The following CNTNAP5 variants were observed in gnomAD, a reference collection of about 807,000 sequenced individuals.
CNTNAP5 encodes contactin associated protein family member 5.
In CNTNAP5, 72 loss-of-function variants were observed where a neutral mutation model predicts 150.2. The observed-to-expected ratio is 0.48, with a 90% CI of 0.40 to 0.58. The LOEUF is 0.58. Ranked by LOEUF, CNTNAP5 falls within the 20% of genes least tolerant of loss-of-function variation. The probability of loss-of-function intolerance (pLI) is 0.00; values close to 1 mark genes in which losing one functional copy is unlikely to be tolerated. For synonymous variants in CNTNAP5, 672 were observed against 619.8 expected, an observed-to-expected ratio of 1.08 and a Z score of -1.25; for missense variants, 1,636 against 1,626.2, an observed-to-expected ratio of 1.01 and a Z score of -0.10.
At chr2:124,419,741 T>C (rs928601729) in intron 4 of CNTNAP5, among the ~76,000 whole-genome samples, 13 of 152,274 alleles carry the variant, frequency 8.5e-5, no homozygotes, top group African/African-American at 2.9e-4. Context: ...CTTCAATCAC[T>C]AGTGCTGATG....
chr2:124,886,255 C>T (rs964437066), intron 21 of CNTNAP5, among the ~76,000 whole-genome samples: 1 of 151,924 alleles, frequency 6.6e-6, no homozygotes, highest in African/African-American at 2.4e-5. Flanking sequence ...GGTAACATCC[C>T]AAGGTTATTC....
At chr2:124,493,766 AC>A (rs1318260868) in intron 7 of CNTNAP5, among the ~76,000 whole-genome samples, 1 of 152,100 alleles carries the variant, frequency 6.6e-6, no homozygotes, top group Non-Finnish European at 1.5e-5. Flanking sequence ...TGTTGATGGT[AC>A]TTTCCCTTCA....
intron 1 of CNTNAP5, among the ~76,000 whole-genome samples, chr2:124,159,312 C>T (rs1684619051): frequency 3.3e-5 from 5 of 152,096 alleles, no homozygotes; most frequent in African/African-American, 1.2e-4. Flanking sequence ...CTGTAAAGGG[C>T]TAGATAGTAA....
chr2:124,802,543 A>G (rs1681991233), intron 19 of CNTNAP5, among the ~76,000 whole-genome samples: 1 of 152,192 alleles, frequency 6.6e-6, no homozygotes, highest in Admixed American at 6.5e-5. Flanking sequence ...TTAGTTCTAT[A>G]ACCTAGGGCT....
At chr2:124,614,780 T>A (rs1290972332) in intron 12 of CNTNAP5, among the ~76,000 whole-genome samples, 1 of 152,176 alleles carries the variant, frequency 6.6e-6, no homozygotes, top group Non-Finnish European at 1.5e-5. Context: ...TTGTGACCAG[T>A]ATCTTGTGCC....
intron 22 of CNTNAP5, among the ~76,000 whole-genome samples, chr2:124,906,713 AT>A (rs1217724112): frequency 5.9e-5 from 9 of 152,108 alleles, no homozygotes; most frequent in Non-Finnish European, 1.0e-4. Context: ...TGAGAAATAA[AT>A]TTTTTAACAA....
chr2:124,169,310 C>G (rs1435568136), intron 1 of CNTNAP5, among the ~76,000 whole-genome samples: 3 of 152,036 alleles, frequency 2.0e-5, no homozygotes, highest in Non-Finnish European at 4.4e-5. Context: ...TGATGATGCT[C>G]TGCGCAGCTA....
chr2:124,560,108 G>T (rs999121019), intron 10 of CNTNAP5, among the ~76,000 whole-genome samples: 1 of 152,222 alleles, frequency 6.6e-6, no homozygotes, highest in African/African-American at 2.4e-5. Flanking sequence ...TCTGTGTGAG[G>T]CATATTAAAT....
At position 124,509,700 on chromosome 2, in the gene CNTNAP5, T is replaced by C. The variant is rs753024276; in HGVS notation, c.1327+5144T>C. On this transcript the variant is annotated intron_variant, in intron 8 of 23. Transcript: ENST00000682447. Reference sequence around the variant, plus strand: ...TGCTGCTCTCCATATTCATTGTGCATACTGTCCATTGCTTAAATAACTCAA... The same window carrying C: ...TGCTGCTCTCCATATTCATTGTGCACACTGTCCATTGCTTAAATAACTCAA... 8.0e-4 allele frequency among the ~76,000 whole-genome samples: 122 copies of C among 152,218 alleles called. 3 individuals carry two copies. Among genetic ancestry groups the C allele is most frequent in the Non-Finnish European group, 4.0e-4 (27 of 68,036 alleles).
At chr2:124,056,008 C>T (rs1178728034) in intron 1 of CNTNAP5, among the ~76,000 whole-genome samples, 1 of 152,204 alleles carries the variant, frequency 6.6e-6, no homozygotes, top group Non-Finnish European at 1.5e-5. Flanking sequence ...TCATCTCCCT[C>T]TCTGCTGGCT....
At chr2:124,473,383 TTTAAAA>T (rs1693563955) in intron 6 of CNTNAP5, among the ~76,000 whole-genome samples, 6 of 152,116 alleles carry the variant, frequency 3.9e-5, no homozygotes, top group Admixed American at 1.3e-4. Flanking sequence ...GTAATTAAAC[TTTAAAA>T]TGAAATAGAT....
At chr2:124,245,715 A>G (rs1255001452) in intron 3 of CNTNAP5, among the ~76,000 whole-genome samples, 1 of 150,896 alleles carries the variant, frequency 6.6e-6, no homozygotes, top group Non-Finnish European at 1.5e-5. Flanking sequence ...ATATATATTT[A>G]TATACACAAA....
Position 124,025,604 on chromosome 2 carries a change from A to C in CNTNAP5, c.-47A>C. 6.4e-7 allele frequency: 1 copy of C among 1,552,864 alleles called. No individual in the cohort carries two copies. Among genetic ancestry groups the C allele is most frequent in the South Asian group, 1.1e-5 (1 of 89,870 alleles). ...CAGCGAGAAGAAGCCGCGGCTGGCT[A>C]CTGCGAATTTGGGATTCGATTGGGA... On this transcript the variant is annotated 5_prime_UTR_variant, in exon 1 of 24. Transcript: ENST00000682447.
intron 8 of CNTNAP5, among the ~76,000 whole-genome samples, chr2:124,509,906 C>T (rs1024354838): frequency 1.3e-5 from 2 of 152,046 alleles, no homozygotes; most frequent in African/African-American, 2.4e-5. Context: ...TCTTTATAAA[C>T]TTCTGTGTAC....
chr2:124,770,498 C>T (rs62171341), intron 16 of CNTNAP5, among the ~76,000 whole-genome samples: 8,890 of 152,222 alleles, frequency 0.058, 375 homozygotes, highest in Middle Eastern at 0.12. Flanking sequence ...CTTTAACATT[C>T]CTCACCCAAA....
chr2:124,713,229 T>C (rs565832554), intron 13 of CNTNAP5, among the ~76,000 whole-genome samples: 494 of 44,296 alleles, frequency 0.011, 32 homozygotes, highest in African/African-American at 0.036. Context: ...GTTTCTTTCT[T>C]TCTTTCTTTC....
intron 4 of CNTNAP5, among the ~76,000 whole-genome samples, chr2:124,421,097 C>T (rs934889782): frequency 6.6e-6 from 1 of 151,574 alleles, no homozygotes; most frequent in Non-Finnish European, 1.5e-5. Flanking sequence ...TGCTAATTGG[C>T]TATCTCAGTT....
intron 5 of CNTNAP5, among the ~76,000 whole-genome samples, chr2:124,438,676 T>C (rs192264065): frequency 2.6e-5 from 4 of 152,258 alleles, no homozygotes; most frequent in Admixed American, 6.5e-5. Context: ...CAAATGAACA[T>C]TTAATTTAGC....
chr2:124,386,509 A>T (rs1690930506), intron 3 of CNTNAP5, among the ~76,000 whole-genome samples: 2 of 152,254 alleles, frequency 1.3e-5, no homozygotes, highest in South Asian at 4.1e-4. Flanking sequence ...ATTTCTGCCA[A>T]GAAATGTTTT....
Sources: gnomAD v4.1 joint callset for allele counts (sites outside exome capture counted in the v4.1 genomes callset) on GRCh38, gnomAD v4.1.1 for gene constraint, MANE v1.5 for transcripts, NCBI Gene and HGNC (gene_info 2026-07-23, HGNC 2026-07-21) for gene names.